The following CDH12 variants were observed in gnomAD, a reference collection of about 807,000 sequenced individuals.
The protein encoded by CDH12 is cadherin 12.
Under a neutral mutation model 74.1 loss-of-function variants are expected in CDH12, and 41 were observed. The ratio of observed to expected loss-of-function variants is 0.55; its 90% confidence interval spans 0.43 to 0.72. The LOEUF (loss-of-function observed/expected upper bound fraction) is 0.72. CDH12 is among the 30% of genes least tolerant of loss of function. The pLI, the probability that CDH12 is intolerant of heterozygous loss-of-function variation, is 0.00. For missense variants in CDH12, 945 were observed against 977.2 expected (o/e 0.97, Z 0.44); for synonymous variants, 399 against 355.0 (o/e 1.12, Z -1.39).
chr5:22,742,902 A>G (rs971818740), intron 1 of CDH12, among the ~76,000 whole-genome samples: 1 of 151,908 alleles, frequency 6.6e-6, no homozygotes, highest in Non-Finnish European at 1.5e-5. Flanking sequence ...TATTTCCGTG[A>G]AAGTGTTTTG....
intron 1 of CDH12, among the ~76,000 whole-genome samples, chr5:22,784,028 C>T (rs1707061): frequency 6.6e-6 from 1 of 151,970 alleles, no homozygotes; most frequent in African/African-American, 2.4e-5. Flanking sequence ...TTGTGTTGGT[C>T]TGAGGGCAGT....
intron 1 of CDH12, among the ~76,000 whole-genome samples, chr5:22,543,568 G>A (rs1738191601): frequency 6.6e-6 from 1 of 152,092 alleles, no homozygotes; most frequent in African/African-American, 2.4e-5. Flanking sequence ...TATTACAACT[G>A]TACCCAAGAA....
At chr5:22,826,889 T>C (rs1464997507) in intron 1 of CDH12, among the ~76,000 whole-genome samples, 1 of 152,192 alleles carries the variant, frequency 6.6e-6, no homozygotes, top group African/African-American at 2.4e-5. Context: ...ACTTGCAGTC[T>C]GACAATGCAA....
At chr5:22,767,339 A>T (rs1489661252) in intron 1 of CDH12, among the ~76,000 whole-genome samples, 1 of 152,040 alleles carries the variant, frequency 6.6e-6, no homozygotes. Flanking sequence ...ATTAATCAAT[A>T]GTCATTTCAG....
At position 21,920,316 on chromosome 5, in the gene CDH12, A is replaced by G. The variant is rs940662623; in HGVS notation, c.526+54775T>C. Among the ~76,000 whole-genome samples the G allele has an allele frequency of 9.8e-5, 15 of 152,324 alleles. No homozygotes were observed. In the East Asian group the frequency reaches 2.9e-3, roughly 29 times the overall value. ...AATAAATGGAAGGACTTGGACAGAA[A>G]AAAGTGGCTTGCCTATAAAGTCAGA... is the stretch of plus-strand genomic sequence containing the variant. On this transcript the variant is annotated intron_variant, in intron 6 of 14. Transcript: ENST00000382254.
chr5:22,689,843 G>A (rs1435398541), intron 1 of CDH12, among the ~76,000 whole-genome samples: 3 of 151,984 alleles, frequency 2.0e-5, no homozygotes, highest in Non-Finnish European at 2.9e-5. Context: ...ACAGAGATGA[G>A]TGGACAAAGT....
At chr5:22,095,726 A>T (rs972001386) in intron 4 of CDH12, among the ~76,000 whole-genome samples, 1 of 151,412 alleles carries the variant, frequency 6.6e-6, no homozygotes, top group Non-Finnish European at 1.5e-5. Flanking sequence ...GAATCCCCCA[A>T]TCCCTTATTT....
At chr5:22,609,557 T>C (rs1208404304) in intron 1 of CDH12, among the ~76,000 whole-genome samples, 1 of 152,340 alleles carries the variant, frequency 6.6e-6, no homozygotes, top group South Asian at 2.1e-4. Flanking sequence ...TGTAAAAATA[T>C]ATATGTATGC....
intron 4 of CDH12, among the ~76,000 whole-genome samples, chr5:22,202,074 G>A (rs1471382856): frequency 4.6e-5 from 7 of 151,910 alleles, no homozygotes; most frequent in African/African-American, 1.7e-4. Flanking sequence ...GTTTTGAGGC[G>A]AGATTAGGGA....
rs537535945 is a variant in CDH12 at position 22,224,930 on chromosome 5, A to G, written c.-332-12287T>C. ...AAAAGTGTATCTCTAAACTTTATAT[A>G]CATTAATGTGTTTATTTCAGTTAAA... is the stretch of plus-strand genomic sequence containing the variant. On this transcript the variant is annotated intron_variant, in intron 3 of 14. Coordinates refer to ENST00000382254, the MANE Select transcript of CDH12 (RefSeq NM_004061.5). Among the ~76,000 whole-genome samples the G allele has an allele frequency of 8.5e-5, 13 of 152,116 alleles. No individual in the cohort carries two copies. The South Asian group carries it at 2.5e-3, about 29-fold the overall frequency.
At chr5:22,412,996 A>T (rs1743225030) in intron 2 of CDH12, among the ~76,000 whole-genome samples, 1 of 151,970 alleles carries the variant, frequency 6.6e-6, no homozygotes, top group African/African-American at 2.4e-5. Flanking sequence ...ATCAGCTATC[A>T]TTGTCTTTCA....
chr5:22,609,154 A>C (rs1437910642), intron 1 of CDH12, among the ~76,000 whole-genome samples: 1 of 152,148 alleles, frequency 6.6e-6, no homozygotes, highest in Non-Finnish European at 1.5e-5. Context: ...CAAGGCATCA[A>C]ATCGGCTTTT....
intron 6 of CDH12, among the ~76,000 whole-genome samples, chr5:21,947,280 T>C (rs1274187849): frequency 6.6e-6 from 1 of 152,164 alleles, no homozygotes; most frequent in Non-Finnish European, 1.5e-5. Context: ...GAAGTGACTT[T>C]AGAACTGGGT....
intron 2 of CDH12, among the ~76,000 whole-genome samples, chr5:22,451,375 G>A (rs1386887819): frequency 2.6e-5 from 4 of 151,720 alleles, no homozygotes; most frequent in Non-Finnish European, 4.4e-5. Context: ...ATATTACTAT[G>A]ACCAACCAAG....
intron 1 of CDH12, among the ~76,000 whole-genome samples, chr5:22,851,282 G>C (rs1388930978): frequency 6.6e-6 from 1 of 152,006 alleles, no homozygotes; most frequent in Non-Finnish European, 1.5e-5. Flanking sequence ...ATCAGTGAGA[G>C]GAGTGAGTTT....
At chr5:22,180,640 G>C (rs1283007255) in intron 4 of CDH12, among the ~76,000 whole-genome samples, 2 of 152,032 alleles carry the variant, frequency 1.3e-5, no homozygotes, top group Non-Finnish European at 2.9e-5. Flanking sequence ...TAGCCTCCGA[G>C]TAGCTGGGAT....
At chr5:22,565,035 A>C (rs1428459049) in intron 1 of CDH12, among the ~76,000 whole-genome samples, 1 of 152,136 alleles carries the variant, frequency 6.6e-6, no homozygotes, top group African/African-American at 2.4e-5. Flanking sequence ...TCCTGGGTTT[A>C]AGTGACTGTC....
chr5:22,491,259 G>T lies in CDH12; in HGVS notation c.-428+14011C>A, dbSNP rs184077172. ...GACAACATGTGGTATGTGGTTTTCT[G>T]TTTCTGCATTAACTCAATTAGGATA... is the stretch of plus-strand genomic sequence containing the variant. On this transcript the variant is annotated intron_variant, in intron 2 of 14. Coordinates refer to ENST00000382254, the MANE Select transcript of CDH12 (RefSeq NM_004061.5). Among the ~76,000 whole-genome samples the T allele has an allele frequency of 4.2e-4, 64 of 152,224 alleles. No homozygotes were observed. The Middle Eastern group carries it at 0.01, about 24-fold the overall frequency.
intron 5 of CDH12, among the ~76,000 whole-genome samples, chr5:22,034,126 C>T (rs894360926): frequency 5.9e-5 from 9 of 152,130 alleles, no homozygotes; most frequent in African/African-American, 2.2e-4. Flanking sequence ...TCACTGCAAC[C>T]TTCGCCTTCT....
Sources: gnomAD v4.1 joint callset for allele counts (sites outside exome capture counted in the v4.1 genomes callset) on GRCh38, gnomAD v4.1.1 for gene constraint, MANE v1.5 for transcripts, NCBI Gene and HGNC (gene_info 2026-07-23, HGNC 2026-07-21) for gene names.